Variants in ALDH1A2 observed in about 807,000 individuals in gnomAD.
ALDH1A2 encodes the protein retinal dehydrogenase 2.
Under a neutral mutation model 60.3 loss-of-function variants are expected in ALDH1A2, and 27 were observed. That is an observed-to-expected ratio of 0.45 (90% confidence interval 0.33 to 0.62). The LOEUF (loss-of-function observed/expected upper bound fraction) is 0.62, where lower values mean the gene tolerates loss of function less well. Ranked by LOEUF, ALDH1A2 falls within the 20% of genes least tolerant of loss-of-function variation. The pLI, the probability that ALDH1A2 is intolerant of heterozygous loss-of-function variation, is 0.02. For synonymous variants in ALDH1A2, 289 were observed against 232.4 expected (o/e 1.24, Z -2.21); for missense variants, 581 against 643.8 (o/e 0.90, Z 1.06).
At chr15:57,956,755 C>T (rs1392098764) in intron 12 of ALDH1A2, among the ~76,000 whole-genome samples, 1 of 152,152 alleles carries the variant, frequency 6.6e-6, no homozygotes, top group Non-Finnish European at 1.5e-5. Context: ...CTCTTCATCA[C>T]GGACACCATG....
intron 1 of ALDH1A2, among the ~76,000 whole-genome samples, chr15:58,050,394 T>A (rs1346720429): frequency 6.6e-6 from 1 of 152,156 alleles, no homozygotes; most frequent in Non-Finnish European, 1.5e-5. Context: ...TAATTAAATA[T>A]GAATTTCAGA....
intron 1 of ALDH1A2, among the ~76,000 whole-genome samples, chr15:58,037,666 A>G (rs1248756558): frequency 1.3e-5 from 2 of 151,674 alleles, no homozygotes; most frequent in African/African-American, 2.4e-5. Context: ...GTTTTGGTCA[A>G]TTTCTGCATT....
intron 7 of ALDH1A2, among the ~76,000 whole-genome samples, chr15:57,992,250 T>C (rs35047499): frequency 6.6e-6 from 1 of 152,260 alleles, no homozygotes; most frequent in Non-Finnish European, 1.5e-5. Flanking sequence ...TCTAGCCCTA[T>C]ACAGAAAAAA....
In ALDH1A2 at chr15:58,052,665, C is replaced by T. The variant is rs1024842941; in HGVS notation, c.117+12869G>A. 4.6e-5 allele frequency among the ~76,000 whole-genome samples: 7 copies of T among 152,082 alleles called. No homozygotes were observed. In the East Asian group the frequency reaches 5.8e-4, roughly 13 times the overall value. On this transcript the variant is annotated intron_variant, in intron 1 of 12. Transcript: ENST00000249750. ...ATGATCAAGTTATTTTGTTCATTCG[C>T]TAATTCAATAAGTATTTATTCAATG... is the stretch of plus-strand genomic sequence containing the variant.
chr15:57,966,213 A>G, intron 7 of ALDH1A2, among the ~76,000 whole-genome samples: 1 of 152,226 alleles, frequency 6.6e-6, no homozygotes, highest in East Asian at 1.9e-4. Flanking sequence ...CACTTGAAAG[A>G]TATCATGAGG....
chr15:58,003,588 A>C (rs770549529), intron 4 of ALDH1A2, among the ~76,000 whole-genome samples: 8 of 151,890 alleles, frequency 5.3e-5, no homozygotes, highest in Non-Finnish European at 1.0e-4. Context: ...GCTTACATAA[A>C]ATCAGTAAAA....
intron 4 of ALDH1A2, among the ~76,000 whole-genome samples, chr15:58,008,800 A>G (rs1215645588): frequency 1.3e-5 from 2 of 152,108 alleles, no homozygotes; most frequent in Non-Finnish European, 2.9e-5. Context: ...AAAGACTGAC[A>G]TGTGTCCCAC....
intron 7 of ALDH1A2, among the ~76,000 whole-genome samples, chr15:57,977,597 T>C (rs570285356): frequency 6.6e-6 from 1 of 152,360 alleles, no homozygotes. Flanking sequence ...ACCAGTACCA[T>C]GCTGTTTTTG....
At chr15:57,980,139 T>A (rs148428349) in intron 7 of ALDH1A2, 79 of 288,086 alleles carry the variant, frequency 2.7e-4, no homozygotes, top group Non-Finnish European at 5.1e-4. Flanking sequence ...TTGGTGCCCA[T>A]TTGCAGCCCG....
chr15:57,999,762 G>T (rs138736635), intron 4 of ALDH1A2, among the ~76,000 whole-genome samples: 4,231 of 151,990 alleles, frequency 0.028, 146 homozygotes, highest in African/African-American at 0.08. Context: ...ATACATGCAT[G>T]TGTATGTTCA....
chr15:57,990,671 T>C (rs1413839786), intron 7 of ALDH1A2: 3 of 152,134 alleles, frequency 2.0e-5, no homozygotes, highest in Non-Finnish European at 4.4e-5. Flanking sequence ...GGACAGGAGT[T>C]CGAGACCAGC....
At chr15:57,995,899 T>C (rs1300500572) in intron 4 of ALDH1A2, among the ~76,000 whole-genome samples, 3 of 152,158 alleles carry the variant, frequency 2.0e-5, no homozygotes, top group Admixed American at 2.0e-4. Flanking sequence ...TTTAGGAAAA[T>C]GTCATTGCTT....
rs1895054439 is a variant in ALDH1A2, at chr15:57,996,194, G to T, written c.494-1055C>A. ...AAAGAGAAGCGATATGAATCAGATT[G>T]TTTATCACTGTCTCTCAACACACCT... On this transcript the variant is annotated intron_variant, in intron 4 of 12. Transcript: ENST00000249750. 2.0e-5 allele frequency among the ~76,000 whole-genome samples: 3 copies of T among 151,996 alleles called. No homozygotes were observed. In the South Asian group the frequency reaches 6.2e-4, roughly 32 times the overall value.
chr15:57,987,744 G>C (rs1413583414), intron 7 of ALDH1A2, among the ~76,000 whole-genome samples: 2 of 151,952 alleles, frequency 1.3e-5, no homozygotes, highest in African/African-American at 4.8e-5. Context: ...AATTAACCAG[G>C]CATGGTAGCG....
chr15:58,041,197 G>C (rs1264588415), intron 1 of ALDH1A2, among the ~76,000 whole-genome samples: 1 of 151,854 alleles, frequency 6.6e-6, no homozygotes, highest in African/African-American at 2.4e-5. Context: ...AAGTATCTAT[G>C]CCTGCATAAC....
chr15:58,031,462 C>T (rs534773573), intron 1 of ALDH1A2, among the ~76,000 whole-genome samples: 20 of 152,230 alleles, frequency 1.3e-4, no homozygotes, highest in African/African-American at 4.6e-4. Flanking sequence ...TGGGAAAAGA[C>T]TTCATGACTA....
At chr15:58,008,391 GATAAGC>G in intron 4 of ALDH1A2, among the ~76,000 whole-genome samples, 1 of 152,050 alleles carries the variant, frequency 6.6e-6, no homozygotes, top group Middle Eastern at 3.2e-3. Context: ...ATAACTCGTA[GATAAGC>G]ATCCACAGGA....
intron 4 of ALDH1A2, 73 bp from the exon 5 acceptor site, chr15:57,995,212 GGCT>G: frequency 4.1e-6 from 3 of 736,624 alleles, no homozygotes; most frequent in Non-Finnish European, 6.5e-6. Context: ...GAACTTTGGT[GGCT>G]GCAAAAAAAA....
At chr15:57,990,056 A>G (rs1038147291) in intron 7 of ALDH1A2, among the ~76,000 whole-genome samples, 2 of 152,178 alleles carry the variant, frequency 1.3e-5, no homozygotes, top group Admixed American at 6.5e-5. Flanking sequence ...GAAAAAGACT[A>G]AAGGAGAAGA....
Sources: gnomAD v4.1 joint callset for allele counts (sites outside exome capture counted in the v4.1 genomes callset) on GRCh38, gnomAD v4.1.1 for gene constraint, MANE v1.5 for transcripts, NCBI Gene and HGNC (gene_info 2026-07-23, HGNC 2026-07-21) for gene names.